SEH1L: variants seen among roughly 807,000 people sequenced by gnomAD.
SEH1L encodes the protein SEH1 like nucleoporin, also known as nucleoporin SEH1.
Under a neutral mutation model 49.5 loss-of-function variants are expected in SEH1L, and 18 were observed. That is an observed-to-expected ratio of 0.36 (90% CI 0.25 to 0.54). The LOEUF is 0.54. Ranked by LOEUF, SEH1L falls within the 20% of genes least tolerant of loss-of-function variation. The pLI, the probability that SEH1L is intolerant of heterozygous loss-of-function variation, is 0.87. For missense variants in SEH1L, 404 were observed against 528.8 expected (o/e 0.76, Z 2.31); for synonymous variants, 169 against 178.1 (o/e 0.95, Z 0.41).
intron 4 of SEH1L, among the ~76,000 whole-genome samples, chr18:12,969,464 C>T (rs528487811): frequency 2.7e-5 from 4 of 150,730 alleles, no homozygotes; most frequent in South Asian, 4.2e-4. Context: ...CCGAGGTGGG[C>T]GGATCATGAG....
chr18:12,981,711 C>G (rs1054089930), intron 6 of SEH1L, among the ~76,000 whole-genome samples: 1 of 152,116 alleles, frequency 6.6e-6, no homozygotes, highest in Admixed American at 6.5e-5. Context: ...TATTTAATGA[C>G]AAGTGGCAGT....
chr18:12,986,667 G>A (rs1237012772), intron 8 of SEH1L, 195 bp from the exon 9 acceptor site: 14 of 1,217,712 alleles, frequency 1.1e-5, no homozygotes, highest in Non-Finnish European at 1.3e-5. Context: ...ATCTTGATTT[G>A]AGTAAGGGTC....
At chr18:12,984,226 T>C (rs1382048209) in intron 8 of SEH1L, 36 bp downstream of exon 8, 4 of 1,600,558 alleles carry the variant, frequency 2.5e-6, no homozygotes, top group African/African-American at 1.3e-5. Context: ...AAATCATCTT[T>C]GTTTTAAATC....
intron 8 of SEH1L, chr18:12,986,459 G>C (rs2032462163): frequency 1.0e-6 from 1 of 986,540 alleles, no homozygotes; most frequent in Non-Finnish European, 1.2e-6. Flanking sequence ...TGCTGCTGCT[G>C]TGAGTGAACC....
intron 3 of SEH1L, among the ~76,000 whole-genome samples, chr18:12,961,040 C>T (rs941409117): frequency 2.6e-5 from 4 of 152,140 alleles, no homozygotes; most frequent in African/African-American, 4.8e-5. Context: ...GGTTGTTACA[C>T]GTTGGCATGC....
intron 6 of SEH1L, among the ~76,000 whole-genome samples, chr18:12,980,083 T>C: frequency 2.8e-5 from 1 of 35,940 alleles, no homozygotes; most frequent in Non-Finnish European, 4.3e-5. Flanking sequence ...GGCGGGGGGC[T>C]GACCCCCCCC....
At chr18:12,979,235 C>T (rs1355205610) in intron 6 of SEH1L, among the ~76,000 whole-genome samples, 2 of 148,748 alleles carry the variant, frequency 1.3e-5, no homozygotes, top group Non-Finnish European at 3.0e-5. Flanking sequence ...GTGTTTGTGT[C>T]CCTGGGTACT....
At chr18:12,984,864 C>T (rs1020128299) in intron 8 of SEH1L, 1 of 162,834 alleles carries the variant, frequency 6.1e-6, no homozygotes, top group African/African-American at 2.4e-5. Context: ...CAAAACACAG[C>T]CTAATGAATT....
intron 4 of SEH1L, among the ~76,000 whole-genome samples, chr18:12,966,623 A>G (rs1326225741): frequency 6.6e-6 from 1 of 152,054 alleles, no homozygotes; most frequent in Non-Finnish European, 1.5e-5. Flanking sequence ...AATGGTGTTG[A>G]ACTCCTGGAC....
chr18:12,948,188 C>A lies in SEH1L; in HGVS notation c.67C>A (p.His23Asn). ...CATCCACGATGTCTCTTTCGACTTC[C>A]ACGGGCGGCGGATGGCAACCTGCTC... ...DLIHDVSFDF[H>N]GRRMATCSSD... The change falls in exon 1 of 9, where the codon CAC becomes AAC. Residue 23 changes from histidine (H) to asparagine (N), a missense_variant. Transcript: ENST00000399892. 6.2e-7 allele frequency: 1 copy of A among 1,612,074 alleles called. No individual in the cohort carries two copies. The highest frequency in any genetic ancestry group is 1.1e-5 in the South Asian group (1 of 90,996).
chr18:12,971,501 G>C (rs1039174576), intron 5 of SEH1L: 14 of 238,516 alleles, frequency 5.9e-5, no homozygotes, highest in Non-Finnish European at 9.2e-5. Context: ...GGGTGTGGTG[G>C]CAGGTGCCTG....
At chr18:12,979,010 T>C in intron 6 of SEH1L, 118 bp downstream of exon 6, 1 of 959,298 alleles carries the variant, frequency 1.0e-6, no homozygotes, top group Non-Finnish European at 1.6e-6. Context: ...CTGGAAGTTT[T>C]ACTTAAAAAT....
rs531976180 is a variant in SEH1L at position 12,972,839 on chromosome 18, T to C, written c.620+1588T>C. Reference sequence around the variant, plus strand: ...CATTTTATAGAGGCTTCATGAAGTGTTGGGCTTGTTAAAGTAAATTTCAAC... The same window carrying C: ...CATTTTATAGAGGCTTCATGAAGTGCTGGGCTTGTTAAAGTAAATTTCAAC... On this transcript the variant is annotated intron_variant, in intron 5 of 8. Transcript: ENST00000399892. 3 of 152,300 alleles carry C rather than the reference T, an allele frequency of 2.0e-5. No individual in the cohort carries two copies. The South Asian group carries it at 6.2e-4, about 32-fold the overall frequency. 9.4% of individuals were successfully genotyped at this position (152,300 alleles called of 1,614,324 possible). A position where few individuals can be genotyped will look rare whatever the true frequency, so the allele number is the denominator to read the frequency against.
At position 12,948,067 on chromosome 18, in the gene SEH1L, C is replaced by A; in HGVS notation, c.-55C>A. ...TCTGGCTAGGCTACGGGCCACGCGC[C>A]GCCGCCGCTGCCGCCGCCACTGTCC... On this transcript the variant is annotated 5_prime_UTR_variant, in exon 1 of 9. Transcript: ENST00000399892. 1.4e-6 allele frequency: 2 copies of A among 1,417,634 alleles called. No individual in the cohort carries two copies. Among genetic ancestry groups the A allele is most frequent in the Non-Finnish European group, 2.0e-6 (2 of 1,019,730 alleles). 87.8% of individuals were successfully genotyped at this position (1,417,634 alleles called of 1,614,324 possible). A position where few individuals can be genotyped will look rare whatever the true frequency, so the allele number is the denominator to read the frequency against.
chr18:12,985,842 G>C (rs1256567737), intron 8 of SEH1L: 1 of 956,206 alleles, frequency 1.0e-6, no homozygotes, highest in Non-Finnish European at 1.2e-6. Flanking sequence ...TAATAAAGTA[G>C]TAATAGTAAA....
Position 12,955,649 on chromosome 18 carries a change from G to C in SEH1L, c.309+40G>C, listed in dbSNP as rs201352177. 9 of 1,604,400 alleles carry C rather than the reference G, an allele frequency of 5.6e-6. No homozygotes were observed. In the Admixed American group the frequency reaches 1.5e-4, roughly 27 times the overall value. On this transcript the variant is annotated intron_variant, in intron 3 of 8. Coordinates refer to ENST00000399892, the MANE Select transcript of SEH1L (RefSeq NM_001013437.2). Reference sequence around the variant, plus strand: ...AGTATTCTGGGGACCGGGAAGACATGAGCAGCCAAGGAGCATTCATCCGAA... The same window carrying C: ...AGTATTCTGGGGACCGGGAAGACATCAGCAGCCAAGGAGCATTCATCCGAA...
At chr18:12,948,358 G>A (rs1050335319) in intron 1 of SEH1L, 126 bp downstream of exon 1, 128 of 721,798 alleles carry the variant, frequency 1.8e-4, no homozygotes, top group Non-Finnish European at 2.6e-4. Flanking sequence ...TGGCGGGCGA[G>A]CCCTGGCTGG....
intron 1 of SEH1L, among the ~76,000 whole-genome samples, chr18:12,949,441 C>CTT (rs1568206195): frequency 3.5e-5 from 3 of 85,434 alleles, no homozygotes; most frequent in Non-Finnish European, 4.8e-5. Context: ...CTACGTTAAC[C>CTT]GTTTTTTTTT....
Position 12,948,026 on chromosome 18 carries a change from C to G in SEH1L, c.-96C>G. The stretch of plus-strand genomic sequence containing the variant: ...GGGCGTGGGCAGCACAAGCCGTGCG[C>G]TCCCGGGCTGCGAGGTCTGGCTAGG... On this transcript the variant is annotated 5_prime_UTR_variant, in exon 1 of 9. Coordinates refer to ENST00000399892, the MANE Select transcript of SEH1L (RefSeq NM_001013437.2). 1.2e-6 allele frequency: 1 copy of G among 852,018 alleles called. No homozygotes were observed. Among genetic ancestry groups the G allele is most frequent in the Non-Finnish European group, 1.8e-6 (1 of 543,736 alleles). 52.8% of individuals were successfully genotyped at this position (852,018 alleles called of 1,614,324 possible). A position where few individuals can be genotyped will look rare whatever the true frequency, so the allele number is the denominator to read the frequency against.
Sources: allele counts gnomAD v4.1 joint callset (sites outside exome capture counted in the v4.1 genomes callset), GRCh38; gene constraint gnomAD v4.1.1; transcripts MANE v1.5; gene names NCBI Gene and HGNC (gene_info 2026-07-23, HGNC 2026-07-21).